The following CSMD1 variants were observed in gnomAD, a reference collection of about 807,000 sequenced individuals.
CSMD1 encodes the protein CUB and Sushi multiple domains 1, also known as CUB and sushi domain-containing protein 1.
CSMD1 carries 213 observed loss-of-function variants against 417.5 expected under a neutral mutation model. The observed-to-expected ratio is 0.51, with a 90% CI of 0.46 to 0.57. The LOEUF (loss-of-function observed/expected upper bound fraction) is 0.57, where lower values mean the gene tolerates loss of function less well. Among genes scored for constraint, CSMD1 ranks in the 20% least tolerant of loss-of-function variants. CSMD1 has a pLI of 0.00. For missense variants in CSMD1, 6,923 were observed against 4,529.7 expected, an observed-to-expected ratio of 1.53 and a Z score of -15.17; for synonymous variants, 2,862 against 1,736.8, an observed-to-expected ratio of 1.65 and a Z score of -16.11.
chr8:4,388,321 G>GACACACAC (rs71205453), intron 3 of CSMD1, among the ~76,000 whole-genome samples: 1 of 95,554 alleles, frequency 1.0e-5, no homozygotes, highest in African/African-American at 4.5e-5. Flanking sequence ...CACACACACA[G>GACACACAC]ACACACACAC....
At chr8:4,915,153 G>A (rs949990792) in intron 1 of CSMD1, among the ~76,000 whole-genome samples, 9 of 152,040 alleles carry the variant, frequency 5.9e-5, no homozygotes, top group Admixed American at 2.0e-4. Flanking sequence ...GAATACGCAT[G>A]CTTATGATTA....
At chr8:4,056,212 G>C (rs1004819466) in intron 3 of CSMD1, among the ~76,000 whole-genome samples, 3 of 150,010 alleles carry the variant, frequency 2.0e-5, no homozygotes, top group Non-Finnish European at 3.0e-5. Flanking sequence ...CTCCCGAGTA[G>C]CTGGGATTAC....
At chr8:4,984,493 A>C (rs943527791) in intron 1 of CSMD1, among the ~76,000 whole-genome samples, 2 of 152,204 alleles carry the variant, frequency 1.3e-5, no homozygotes, top group Non-Finnish European at 2.9e-5. Flanking sequence ...TTGACGTTTC[A>C]ACTGGCCCTC....
intron 3 of CSMD1, among the ~76,000 whole-genome samples, chr8:4,411,752 C>G (rs1285519267): frequency 6.6e-6 from 1 of 152,160 alleles, no homozygotes; most frequent in Admixed American, 6.5e-5. Context: ...CGTTCACATA[C>G]CTATCCAAGT....
intron 40 of CSMD1, among the ~76,000 whole-genome samples, chr8:3,145,417 C>G (rs1818782754): frequency 6.6e-6 from 1 of 152,136 alleles, no homozygotes; most frequent in Non-Finnish European, 1.5e-5. Context: ...AACATAACAA[C>G]TTGCAAGGGG....
intron 1 of CSMD1, among the ~76,000 whole-genome samples, chr8:4,667,297 A>G (rs1200190996): frequency 2.0e-5 from 3 of 152,136 alleles, no homozygotes; most frequent in African/African-American, 7.2e-5. Context: ...TAGTGATCCA[A>G]TTTAGTGCTT....
chr8:4,372,767 G>C (rs939476754), intron 3 of CSMD1, among the ~76,000 whole-genome samples: 1 of 151,412 alleles, frequency 6.6e-6, no homozygotes, highest in African/African-American at 2.4e-5. Context: ...AGTAGCATTG[G>C]ATAACCCAAA....
At chr8:3,656,191 C>G (rs894214962) in intron 7 of CSMD1, among the ~76,000 whole-genome samples, 6 of 152,104 alleles carry the variant, frequency 3.9e-5, no homozygotes, top group Non-Finnish European at 8.8e-5. Flanking sequence ...TGTTTCCTAC[C>G]AGAGCTATTC....
At chr8:4,806,961 G>A (rs1482517872) in intron 1 of CSMD1, among the ~76,000 whole-genome samples, 1 of 152,032 alleles carries the variant, frequency 6.6e-6, no homozygotes, top group African/African-American at 2.4e-5. Context: ...AATTCTATGT[G>A]GCATTTTGAT....
intron 3 of CSMD1, among the ~76,000 whole-genome samples, chr8:4,084,621 A>G (rs370724464): frequency 2.8e-4 from 43 of 152,296 alleles, no homozygotes; most frequent in Middle Eastern, 6.8e-3. Context: ...AGCCTTCCAG[A>G]GTTTGCCAAG....
chr8:4,076,889 T>C (rs142921709), intron 3 of CSMD1, among the ~76,000 whole-genome samples: 1 of 152,274 alleles, frequency 6.6e-6, no homozygotes, highest in East Asian at 1.9e-4. Flanking sequence ...CTTTCCAGTC[T>C]GAAGAACTAC....
At chr8:4,074,175 TC>T (rs1799703428) in intron 3 of CSMD1, among the ~76,000 whole-genome samples, 2 of 152,086 alleles carry the variant, frequency 1.3e-5, no homozygotes, top group Admixed American at 6.6e-5. Flanking sequence ...ACTTGTATGG[TC>T]CAAATTAGTT....
At chr8:3,095,745 T>C (rs1437893500) in intron 47 of CSMD1, among the ~76,000 whole-genome samples, 2 of 152,200 alleles carry the variant, frequency 1.3e-5, no homozygotes, top group East Asian at 1.9e-4. Flanking sequence ...ACAGCCATAA[T>C]TGTAACTGGT....
At chr8:3,840,918 G>A (rs978521991) in intron 5 of CSMD1, among the ~76,000 whole-genome samples, 12 of 151,904 alleles carry the variant, frequency 7.9e-5, no homozygotes, top group African/African-American at 2.9e-4. Flanking sequence ...TATCGGTCAG[G>A]CTGGTCTCGA....
intron 1 of CSMD1, among the ~76,000 whole-genome samples, chr8:4,661,418 T>C (rs1284501293): frequency 6.6e-6 from 1 of 152,154 alleles, no homozygotes; most frequent in African/African-American, 2.4e-5. Context: ...ATTCGATTTT[T>C]ATAACATTTT....
intron 3 of CSMD1, among the ~76,000 whole-genome samples, chr8:4,315,729 C>CA (rs1206593970): frequency 1.3e-5 from 2 of 152,136 alleles, no homozygotes; most frequent in African/African-American, 4.8e-5. Flanking sequence ...TTGAGCTGTG[C>CA]AAAAAAGAAA....
chr8:3,104,718 T>TC (rs1192627330), intron 46 of CSMD1, among the ~76,000 whole-genome samples: 1 of 150,868 alleles, frequency 6.6e-6, no homozygotes, highest in Non-Finnish European at 1.5e-5. Flanking sequence ...TTCTTTTTTT[T>TC]TTTTTTTGAG....
intron 1 of CSMD1, among the ~76,000 whole-genome samples, chr8:4,871,287 C>G (rs572587408): frequency 2.0e-5 from 3 of 152,250 alleles, no homozygotes; most frequent in South Asian, 4.1e-4. Flanking sequence ...TAAATTTCCA[C>G]TGCAATGCAC....
chr8:3,935,817 G>A (rs538682529), intron 5 of CSMD1, among the ~76,000 whole-genome samples: 12 of 152,240 alleles, frequency 7.9e-5, no homozygotes, highest in Admixed American at 7.2e-4. Flanking sequence ...TCAAGTGAAA[G>A]GAAGAGTCAC....
Sources: gnomAD v4.1 joint callset for allele counts (sites outside exome capture counted in the v4.1 genomes callset) on GRCh38, gnomAD v4.1.1 for gene constraint, MANE v1.5 for transcripts, NCBI Gene and HGNC (gene_info 2026-07-23, HGNC 2026-07-21) for gene names.